The following HSD17B10 variants were observed in gnomAD, a reference collection of about 807,000 sequenced individuals.
HSD17B10 encodes the protein hydroxysteroid 17-beta dehydrogenase 10.
For missense variants in HSD17B10, 87 were observed against 219.4 expected (o/e 0.40, Z 3.81); for synonymous variants, 90 against 85.9 (o/e 1.05, Z -0.26).
Position 53,432,169 on chromosome X carries a change from T to C in HSD17B10, c.358-53A>G, listed in dbSNP as rs905186398. 2.1e-5 allele frequency: 25 copies of C among 1,208,178 alleles called. No individual in the cohort carries two copies. The East Asian group carries it at 5.6e-4, about 27-fold the overall frequency. ...GGACCTGAGGCAGAAGAAGCCTTTG[T>C]CCCCTAAAAACTTTGGGGTCCTCCA... On this transcript the variant is annotated intron_variant, in intron 3 of 5. Coordinates refer to ENST00000168216, the MANE Select transcript of HSD17B10 (RefSeq NM_004493.3).
At chrX:53,433,610 G>C (rs2075833672) in intron 2 of HSD17B10, 112 bp downstream of exon 2, 17 of 697,403 alleles carry the variant, frequency 2.4e-5, no homozygotes, top group Non-Finnish European at 3.8e-5. Context: ...ACAAGGAGAT[G>C]GGTCTACCGC....
chrX:53,432,083 G>T lies in HSD17B10; in HGVS notation c.391C>A (p.Leu131Met). The T allele has an allele frequency of 8.3e-7, 1 of 1,211,573 alleles. No individual in the cohort carries two copies. The highest frequency in any genetic ancestry group is 1.1e-6 in the Non-Finnish European group (1 of 895,379). Reference protein sequence around the residue: ...NLMGTFNVIRLVAGEMGQNEP... With the variant: ...NLMGTFNVIRMVAGEMGQNEP... ...TTCTGGCCCATCTCACCAGCCACCA[G>T]GCGGATCACATTGAAGGTGCCCATG... The change falls in exon 4 of 6, where the codon CTG becomes ATG. Residue 131 changes from leucine to methionine, a missense_variant. Coordinates refer to ENST00000168216, the MANE Select transcript of HSD17B10 (RefSeq NM_004493.3).
intron 2 of HSD17B10, 37 bp downstream of exon 2, chrX:53,433,683 TCA>T: frequency 5.1e-6 from 6 of 1,174,871 alleles, no homozygotes; most frequent in Non-Finnish European, 6.9e-6. Flanking sequence ...GTTGGTGACC[TCA>T]TGCACACCCT....
At chrX:53,431,722 G>T in intron 5 of HSD17B10, 76 bp downstream of exon 5, 1 of 1,024,101 alleles carries the variant, frequency 9.8e-7, no homozygotes, top group Non-Finnish European at 1.4e-6. Flanking sequence ...TGCTTAGGTG[G>T]TGGATACCTT....
rs1556894676 is a variant in HSD17B10, at chrX:53,432,408, T to C, written c.196A>G (p.Thr66Ala). Residue 66 changes from threonine (T) to alanine (A), a missense_variant, in exon 3 of 6, where the codon ACC becomes GCC. Coordinates refer to ENST00000168216, the MANE Select transcript of HSD17B10 (RefSeq NM_004493.3). ...GCTGTTTGCACATCCTTCTCAGAGG[T>C]CACCTTCAAAGAGAGAAGTGGAGAA... The part of the protein sequence containing the change: ...NNCVFAPADV[T>A]SEKDVQTALA... The C allele has an allele frequency of 1.2e-5, 14 of 1,205,299 alleles. No individual in the cohort carries two copies. The highest frequency in any genetic ancestry group is 1.5e-5 in the Non-Finnish European group (13 of 892,204).
At chrX:53,434,212 A>G in intron 1 of HSD17B10, 107 bp downstream of exon 1, 3 of 965,408 alleles carry the variant, frequency 3.1e-6, no homozygotes, top group South Asian at 2.1e-5. Context: ...CCAGGCCTAC[A>G]TAAGCATGAC....
chrX:53,431,289 A>G lies in HSD17B10; in HGVS notation c.*115T>C, dbSNP rs1258741158. On this transcript the variant is annotated 3_prime_UTR_variant, in exon 6 of 6. Transcript: ENST00000168216. Reference sequence around the variant, plus strand: ...GAGAAAAAGAGACTTTATTAGGCACAGAGGGCGACTGGTAGGCAGTTACAA... The same window carrying G: ...GAGAAAAAGAGACTTTATTAGGCACGGAGGGCGACTGGTAGGCAGTTACAA... 9 of 727,235 alleles carry G rather than the reference A, an allele frequency of 1.2e-5. No homozygotes were observed. The highest frequency in any genetic ancestry group is 4.3e-4 in the Middle Eastern group (1 of 2,328). 59.9% of individuals were successfully genotyped at this position (727,235 alleles called of 1,213,427 possible).
Position 53,431,969 on chromosome X carries a change from C to T in HSD17B10, c.486+19G>A, listed in dbSNP as rs1556894578. On this transcript the variant is annotated intron_variant, in intron 4 of 5. Coordinates refer to ENST00000168216, the MANE Select transcript of HSD17B10 (RefSeq NM_004493.3). ...AACAAGTCACTTAGGAGGCATAAGT[C>T]TTACCCCTGCCCACACACCTGACCC... 8 of 1,209,173 alleles carry T rather than the reference C, an allele frequency of 6.6e-6. No homozygotes were observed. Among genetic ancestry groups the T allele is most frequent in the South Asian group, 1.8e-5 (1 of 56,755 alleles).
Position 53,433,788 on chromosome X carries a change from C to G in HSD17B10, c.126G>C (p.Leu42=), listed in dbSNP as rs782502153. The change falls in exon 2 of 6, where the codon CTG becomes CTC. Residue 42 remains leucine, a synonymous_variant. Coordinates refer to ENST00000168216, the MANE Select transcript of HSD17B10 (RefSeq NM_004493.3). ...CTTGGGCCTCCCCACCCGAGTTGGG[C>G]AGGTCCAGAAGCACAGCAGAGGCTC... ...GQGASAVLLD[L]PNSGGEAQAK... 8.3e-7 allele frequency: 1 copy of G among 1,209,506 alleles called. No homozygotes were observed. The highest frequency in any genetic ancestry group is 3.0e-5 in the East Asian group (1 of 33,725).
At position 53,433,554 on chromosome X, in the gene HSD17B10, T is replaced by G. The variant is rs184948145; in HGVS notation, c.192+168A>C. On this transcript the variant is annotated intron_variant, in intron 2 of 5. Coordinates refer to ENST00000168216, the MANE Select transcript of HSD17B10 (RefSeq NM_004493.3). ...TGTGAATCCCAGCTTTAGAGAATCC[T>G]TATCACAGGTGGTCCCACAGTGCTT... Among the ~76,000 whole-genome samples, 198 of 112,742 alleles carry G rather than the reference T, an allele frequency of 1.8e-3. 2 individuals are homozygous for G. Among genetic ancestry groups the G allele is most frequent in the African/African-American group, 6.1e-3 (191 of 31,145 alleles).
At chrX:53,432,501 T>C in intron 2 of HSD17B10, 90 bp from the exon 3 acceptor site, 2 of 764,679 alleles carry the variant, frequency 2.6e-6, no homozygotes, top group Non-Finnish European at 4.0e-6. Context: ...GCATGCCCAG[T>C]CCTTGGGTGA....
Position 53,434,200 on chromosome X carries a change from T to TACCAGGCCTACATAAGCATG in HSD17B10, c.27+99_27+118dup, listed in dbSNP as rs2096060482. 39 of 867,868 alleles carry TACCAGGCCTACATAAGCATG rather than the reference T, an allele frequency of 4.5e-5. No homozygotes were observed. In the South Asian group the frequency reaches 8.1e-4, roughly 18 times the overall value. 71.5% of individuals were successfully genotyped at this position (867,868 alleles called of 1,213,427 possible). ...CACCTCTTGAGCCCAACGGCCACAATACCAGGCCTACATAAGCATGACCCT... is the reference window on the plus strand; with the variant it reads ...CACCTCTTGAGCCCAACGGCCACAATACCAGGCCTACATAAGCATGACCAGGCCTACATAAGCATGACCCT... On this transcript the variant is annotated intron_variant, in intron 1 of 5. Coordinates refer to ENST00000168216, the MANE Select transcript of HSD17B10 (RefSeq NM_004493.3).
chrX:53,432,494 T>C (rs2075829033), intron 2 of HSD17B10, 83 bp from the exon 3 acceptor site: 2 of 818,149 alleles, frequency 2.4e-6, no homozygotes, highest in Non-Finnish European at 3.6e-6. Flanking sequence ...GGGCAGGGCA[T>C]GCCCAGTCCT....
rs782818492 is a variant in HSD17B10, at chrX:53,432,353, C to T, written c.251G>A (p.Arg84His). 45 of 1,208,015 alleles carry T rather than the reference C, an allele frequency of 3.7e-5. No homozygotes were observed. The highest frequency in any genetic ancestry group is 3.3e-4 in the Admixed American group (15 of 45,666). ...TGCACAGTTGACAGCTACATCCACACGGCCAAACTTTCCTTTTGCTAGAGC... is the reference window on the plus strand; with the variant it reads ...TGCACAGTTGACAGCTACATCCACATGGCCAAACTTTCCTTTTGCTAGAGC... ...ALALAKGKFG[R>H]VDVAVNCAGI... The change falls in exon 3 of 6, where the codon CGT (arginine) becomes CAT (histidine). Residue 84 changes from arginine (R) to histidine (H), a missense_variant. Physicochemically the swap from Arg to His is conservative, Grantham distance 29 (BLOSUM62 0). Transcript: ENST00000168216.
intron 2 of HSD17B10, chrX:53,432,738 C>T (rs781909709): frequency 9.5e-5 from 26 of 273,755 alleles, no homozygotes; most frequent in African/African-American, 5.9e-4. Context: ...ATCCCAGCTA[C>T]TTGGAAGGCT....
rs1840417696 is a variant in HSD17B10, at chrX:53,432,304, C to T, written c.300G>A (p.Thr100=). The part of the protein sequence containing the change: ...NCAGIAVASK[T]YNLKKGQTHT... ...GGGTCTGGCCCTTCTTTAAGTTGTA[C>T]GTCTTGCTAGCCACCGCGATGCCTG... Residue 100 remains threonine (T), a synonymous_variant, in exon 3 of 6, where the codon ACG becomes ACA. Coordinates refer to ENST00000168216, the MANE Select transcript of HSD17B10 (RefSeq NM_004493.3). 7.4e-6 allele frequency: 9 copies of T among 1,209,363 alleles called. No homozygotes were observed. The highest frequency in any genetic ancestry group is 2.3e-4 in the Middle Eastern group (1 of 4,330).
At chrX:53,434,035 C>T (rs1376179430) in intron 1 of HSD17B10, 149 bp from the exon 2 acceptor site, 1 of 675,662 alleles carries the variant, frequency 1.5e-6, no homozygotes, top group East Asian at 3.5e-5. Context: ...TGCTGCTTCT[C>T]CTCAGCGTTG....
intron 2 of HSD17B10, 82 bp downstream of exon 2, chrX:53,433,640 A>C: frequency 1.0e-6 from 1 of 976,374 alleles, no homozygotes; most frequent in South Asian, 2.0e-5. Flanking sequence ...GGAGACCCTT[A>C]TGGGAGGGAC....
chrX:53,432,212 C>A, intron 3 of HSD17B10, 35 bp downstream of exon 3: 2 of 1,207,667 alleles, frequency 1.7e-6, no homozygotes, highest in Non-Finnish European at 2.2e-6. Flanking sequence ...ATACTTCTTA[C>A]TACCACTATC....
Sources: allele counts gnomAD v4.1 joint callset (sites outside exome capture counted in the v4.1 genomes callset), GRCh38; gene constraint gnomAD v4.1.1; transcripts MANE v1.5; gene names NCBI Gene and HGNC (gene_info 2026-07-23, HGNC 2026-07-21).